ENPP2: variants seen among roughly 807,000 people sequenced by gnomAD.
ENPP2 encodes the protein ectonucleotide pyrophosphatase/phosphodiesterase 2.
A neutral mutation model predicts 120.2 loss-of-function variants in ENPP2; 51 were observed. The ratio of observed to expected loss-of-function variants is 0.42; its 90% confidence interval spans 0.34 to 0.54. The LOEUF (loss-of-function observed/expected upper bound fraction) is 0.54. ENPP2 is among the 20% of genes least tolerant of loss of function. ENPP2 has a pLI of 0.04. For synonymous variants in ENPP2, 365 were observed against 366.4 expected (o/e 1.00, Z 0.04); for missense variants, 920 against 1,066.5 (o/e 0.86, Z 1.91).
chr8:119,591,803 A>T (rs1351381629), intron 12 of ENPP2, among the ~76,000 whole-genome samples: 1 of 152,222 alleles, frequency 6.6e-6, no homozygotes, highest in Non-Finnish European at 1.5e-5. Flanking sequence ...TTAAACCCTT[A>T]GGAAGAAAAA....
intron 19 of ENPP2, among the ~76,000 whole-genome samples, chr8:119,573,407 TTAAAAAA>T (rs1815195115): frequency 1.4e-5 from 1 of 71,502 alleles, no homozygotes; most frequent in African/African-American, 7.1e-5. Context: ...GCTCCGTCTC[TTAAAAAA>T]AAAAAAAAAA....
At chr8:119,602,987 C>T (rs1439614679) in intron 9 of ENPP2, among the ~76,000 whole-genome samples, 1 of 152,116 alleles carries the variant, frequency 6.6e-6, no homozygotes. Context: ...TCCCCAGGCA[C>T]CCTCTCTTTC....
chr8:119,578,796 T>A lies in ENPP2; in HGVS notation c.1780+1320A>T, dbSNP rs371942395. Among the ~76,000 whole-genome samples the A allele has an allele frequency of 2.0e-4, 30 of 152,342 alleles. No individual in the cohort carries two copies. The East Asian group carries it at 5.0e-3, about 25-fold the overall frequency. On this transcript the variant is annotated intron_variant, in intron 19 of 24. Transcript: ENST00000075322. ...ATTCCGTTCTGTGCCAGAGTCTGTG[T>A]GTTCTGTGATCAAAGGGAGAAGTGG...
intron 2 of ENPP2, among the ~76,000 whole-genome samples, chr8:119,634,925 T>C (rs948026663): frequency 1.3e-5 from 2 of 152,092 alleles, no homozygotes; most frequent in Non-Finnish European, 2.9e-5. Flanking sequence ...ATCTGTACCC[T>C]CCTTAGCTTC....
intron 11 of ENPP2, among the ~76,000 whole-genome samples, chr8:119,597,238 C>A (rs938955771): frequency 2.0e-5 from 3 of 152,124 alleles, no homozygotes; most frequent in African/African-American, 7.2e-5. Flanking sequence ...TTAGGCAAAT[C>A]TCCATAAGAA....
intron 19 of ENPP2, among the ~76,000 whole-genome samples, chr8:119,576,194 A>T (rs557546719): frequency 6.6e-6 from 1 of 152,292 alleles, no homozygotes; most frequent in Admixed American, 6.5e-5. Context: ...GCTGGAGTAC[A>T]ATGGCGAGAT....
At chr8:119,606,739 G>A (rs1213613497) in intron 9 of ENPP2, among the ~76,000 whole-genome samples, 1 of 151,774 alleles carries the variant, frequency 6.6e-6, no homozygotes, top group East Asian at 1.9e-4. Context: ...AGAGAGTATA[G>A]ACAGTACCGT....
At chr8:119,584,687 T>A (rs972742712) in intron 15 of ENPP2, among the ~76,000 whole-genome samples, 3 of 152,142 alleles carry the variant, frequency 2.0e-5, no homozygotes, top group African/African-American at 7.2e-5. Context: ...ATATCTCTAT[T>A]TAGAAACAGA....
At chr8:119,567,811 A>G (rs1292238179) in intron 22 of ENPP2, among the ~76,000 whole-genome samples, 1 of 152,216 alleles carries the variant, frequency 6.6e-6, no homozygotes, top group African/African-American at 2.4e-5. Context: ...CATTAAGATA[A>G]TAAGTATTGA....
intron 2 of ENPP2, among the ~76,000 whole-genome samples, chr8:119,631,509 C>T (rs192600109): frequency 2.6e-4 from 39 of 152,180 alleles, no homozygotes; most frequent in Non-Finnish European, 5.0e-4. Context: ...AGCCACCACG[C>T]CCAGTCTATC....
chr8:119,594,693 C>A (rs1813765360), intron 11 of ENPP2, among the ~76,000 whole-genome samples: 1 of 152,006 alleles, frequency 6.6e-6, no homozygotes, highest in Non-Finnish European at 1.5e-5. Flanking sequence ...TTTAGCTGTG[C>A]AATGGAAAGA....
chr8:119,566,370 C>G (rs1347169615), intron 22 of ENPP2, among the ~76,000 whole-genome samples: 2 of 152,194 alleles, frequency 1.3e-5, no homozygotes, highest in African/African-American at 4.8e-5. Context: ...CCTCTTCCCT[C>G]CCCTTATTAA....
intron 1 of ENPP2, among the ~76,000 whole-genome samples, chr8:119,655,834 A>G (rs1236850650): frequency 2.0e-5 from 3 of 152,326 alleles, no homozygotes; most frequent in Admixed American, 2.0e-4. Flanking sequence ...GCCAGAGCCC[A>G]GTTTCTAGGT....
intron 9 of ENPP2, among the ~76,000 whole-genome samples, chr8:119,604,399 A>T (rs922587585): frequency 1.3e-5 from 2 of 152,224 alleles, no homozygotes; most frequent in Non-Finnish European, 2.9e-5. Flanking sequence ...TCTTTATGAA[A>T]TAACCTCAGA....
intron 19 of ENPP2, among the ~76,000 whole-genome samples, chr8:119,576,761 T>C (rs1812370275): frequency 6.6e-6 from 1 of 152,204 alleles, no homozygotes. Flanking sequence ...TGAGTTTTCA[T>C]TGCATGGAAA....
intron 1 of ENPP2, among the ~76,000 whole-genome samples, chr8:119,645,547 G>A (rs866907388): frequency 2.0e-5 from 3 of 152,172 alleles, no homozygotes; most frequent in South Asian, 2.1e-4. Context: ...TCTCATAGCC[G>A]GGCACGGTGG....
chr8:119,640,143 T>G (rs1251625790), upstream of ENPP2, among the ~76,000 whole-genome samples: 3 of 152,202 alleles, frequency 2.0e-5, no homozygotes, highest in Non-Finnish European at 2.9e-5. Flanking sequence ...TCTAGTAATA[T>G]CTAATTGAAA....
chr8:119,627,577 A>G (rs1241956968), intron 2 of ENPP2, among the ~76,000 whole-genome samples: 1 of 152,082 alleles, frequency 6.6e-6, no homozygotes, highest in Non-Finnish European at 1.5e-5. Flanking sequence ...AGATCTAATT[A>G]AGGTGGGGGC....
intron 13 of ENPP2, among the ~76,000 whole-genome samples, chr8:119,588,466 T>G (rs930803976): frequency 1.8e-4 from 26 of 143,888 alleles, no homozygotes; most frequent in African/African-American, 6.3e-4. Flanking sequence ...GAGGCAGAGG[T>G]TGCAGTGAGC....
Sources: gnomAD v4.1 joint callset for allele counts (sites outside exome capture counted in the v4.1 genomes callset) on GRCh38, gnomAD v4.1.1 for gene constraint, MANE v1.5 for transcripts, NCBI Gene and HGNC (gene_info 2026-07-23, HGNC 2026-07-21) for gene names.